The following CCDC171 variants were observed in gnomAD, a reference collection of about 807,000 sequenced individuals.
CCDC171 encodes coiled-coil domain containing 171.
Under a neutral mutation model 168.2 loss-of-function variants are expected in CCDC171, and 177 were observed. The observed-to-expected ratio is 1.05, with a 90% CI of 0.93 to 1.19. The LOEUF is 1.19. Ranked by LOEUF, CCDC171 falls within the 50% of genes most tolerant of loss-of-function variation. The pLI is 0.00. For synonymous variants in CCDC171, 687 were observed against 540.8 expected, an observed-to-expected ratio of 1.27 and a Z score of -3.75; for missense variants, 1,991 against 1,539.0, an observed-to-expected ratio of 1.29 and a Z score of -4.91.
chr9:15,620,422 T>C (rs1031521073), intron 6 of CCDC171, among the ~76,000 whole-genome samples: 2 of 152,162 alleles, frequency 1.3e-5, no homozygotes, highest in African/African-American at 4.8e-5. Context: ...AGGTTTAGAC[T>C]TCAGTGGAAT....
chr9:15,611,281 T>TA (rs1032294767), intron 6 of CCDC171, among the ~76,000 whole-genome samples: 23 of 152,212 alleles, frequency 1.5e-4, no homozygotes, highest in African/African-American at 4.6e-4. Flanking sequence ...CTCTTTTCTT[T>TA]ATAAATTACC....
At chr9:16,021,345 C>G (rs574844248) in intron 4 of CCDC171, among the ~76,000 whole-genome samples, 3 of 152,228 alleles carry the variant, frequency 2.0e-5, no homozygotes, top group African/African-American at 7.2e-5. Flanking sequence ...CTTGGCCTCC[C>G]AAAGTGCTGG....
chr9:15,789,290 A>T (rs752294992), intron 21 of CCDC171, among the ~76,000 whole-genome samples: 3 of 152,174 alleles, frequency 2.0e-5, no homozygotes, highest in Non-Finnish European at 4.4e-5. Context: ...AAAATGCAAA[A>T]ATATTCAAAA....
intron 23 of CCDC171, among the ~76,000 whole-genome samples, chr9:15,872,769 T>A (rs1189463270): frequency 3.9e-5 from 6 of 152,026 alleles, no homozygotes; most frequent in African/African-American, 1.4e-4. Context: ...GGCAAAACAC[T>A]AGTGGTTTGA....
chr9:16,013,761 C>T (rs1302219066), intron 3 of CCDC171, among the ~76,000 whole-genome samples: 1 of 152,238 alleles, frequency 6.6e-6, no homozygotes, highest in Non-Finnish European at 1.5e-5. Flanking sequence ...GCTATGTTTA[C>T]ACTATACTGT....
chr9:15,933,823 A>G (rs1464682163), intron 25 of CCDC171, among the ~76,000 whole-genome samples: 5 of 152,030 alleles, frequency 3.3e-5, no homozygotes, highest in Non-Finnish European at 1.5e-5. Context: ...AATGCTTAGT[A>G]AAATGCATAC....
chr9:15,930,635 C>T (rs1412010286), intron 25 of CCDC171, among the ~76,000 whole-genome samples: 1 of 151,474 alleles, frequency 6.6e-6, no homozygotes, highest in Non-Finnish European at 1.5e-5. Flanking sequence ...CTACTTAGGC[C>T]TAGCAAAAAG....
chr9:15,958,641 G>A (rs889972955), intron 25 of CCDC171, among the ~76,000 whole-genome samples: 9 of 151,754 alleles, frequency 5.9e-5, no homozygotes, highest in East Asian at 5.8e-4. Context: ...AGGAGTTAAC[G>A]TGATGAAGAA....
chr9:15,614,283 A>G (rs1018401420), intron 6 of CCDC171, among the ~76,000 whole-genome samples: 1 of 151,808 alleles, frequency 6.6e-6, no homozygotes, highest in Non-Finnish European at 1.5e-5. Flanking sequence ...GGGAGCTCCA[A>G]CTCTGTTCTT....
At chr9:15,923,555 T>C (rs1314588552) in intron 25 of CCDC171, among the ~76,000 whole-genome samples, 1 of 151,162 alleles carries the variant, frequency 6.6e-6, no homozygotes, top group African/African-American at 2.4e-5. Flanking sequence ...TACAGTTAGG[T>C]AGGAGAAATA....
the CCDC171 span, among the ~76,000 whole-genome samples, chr9:16,070,300 C>A: frequency 6.6e-6 from 1 of 152,096 alleles, no homozygotes; most frequent in African/African-American, 2.4e-5. Flanking sequence ...GGTCCTGCCT[C>A]GGCAAACAAT....
At position 15,695,107 on chromosome 9, in the gene CCDC171, T is replaced by C. The variant is rs553867392; in HGVS notation, c.1216-128T>C. 7 of 638,462 alleles carry C rather than the reference T, an allele frequency of 1.1e-5. No individual in the cohort carries two copies. In the South Asian group the frequency reaches 1.2e-4, roughly 11 times the overall value. 39.5% of individuals were successfully genotyped at this position (638,462 alleles called of 1,614,324 possible). ...AAAAGGTATGATTAAGAGAGAAAGA[T>C]GGTTTATTAATAATATATTTGAATG... On this transcript the variant is annotated intron_variant, in intron 10 of 25. Transcript: ENST00000380701.
At position 15,553,129 on chromosome 9, in the gene CCDC171, C is replaced by T. The variant is rs1036460972; in HGVS notation, c.-285C>T. 2 of 152,466 alleles carry T rather than the reference C, an allele frequency of 1.3e-5. No individual in the cohort carries two copies. Among genetic ancestry groups the T allele is most frequent in the African/African-American group, 2.4e-5 (1 of 41,462 alleles). 9.4% of individuals were successfully genotyped at this position (152,466 alleles called of 1,614,324 possible). ...AAACTTCACCTCCCGGGGGCTCTTC[C>T]CCTTCTGTACCCCTTTGCTGTTTGT... On this transcript the variant is annotated 5_prime_UTR_variant, in exon 1 of 26. Transcript: ENST00000380701.
chr9:15,584,504 A>G (rs2041397590), intron 4 of CCDC171, among the ~76,000 whole-genome samples: 3 of 152,190 alleles, frequency 2.0e-5, no homozygotes, highest in Admixed American at 2.0e-4. Flanking sequence ...GTTCCAATGT[A>G]ATAAACTGAG....
At chr9:15,742,045 C>G (rs1435775093) in intron 16 of CCDC171, among the ~76,000 whole-genome samples, 1 of 151,498 alleles carries the variant, frequency 6.6e-6, no homozygotes, top group Non-Finnish European at 1.5e-5. Context: ...TGCTAGTTTG[C>G]CTCTTGTATT....
the CCDC171 span, among the ~76,000 whole-genome samples, chr9:16,077,441 C>T: frequency 1.3e-5 from 2 of 152,310 alleles, no homozygotes; most frequent in East Asian, 1.9e-4. Flanking sequence ...TACTTCCCTA[C>T]TCCTTGACTT....
chr9:15,815,063 G>A (rs1298727048), intron 21 of CCDC171, among the ~76,000 whole-genome samples: 1 of 152,194 alleles, frequency 6.6e-6, no homozygotes, highest in Non-Finnish European at 1.5e-5. Flanking sequence ...TTCACAGTAA[G>A]AGTCCCAGAT....
intron 25 of CCDC171, among the ~76,000 whole-genome samples, chr9:15,961,681 A>C (rs1830344777): frequency 6.6e-6 from 1 of 152,166 alleles, no homozygotes; most frequent in African/African-American, 2.4e-5. Context: ...CATTTTGACC[A>C]CACATTTTAG....
chr9:15,830,657 T>C (rs1268010252), intron 21 of CCDC171, among the ~76,000 whole-genome samples: 1 of 152,228 alleles, frequency 6.6e-6, no homozygotes, highest in Non-Finnish European at 1.5e-5. Context: ...AAAACTCTTT[T>C]TCTTTGAAAT....
Sources: allele counts gnomAD v4.1 joint callset (sites outside exome capture counted in the v4.1 genomes callset), GRCh38; gene constraint gnomAD v4.1.1; transcripts MANE v1.5; gene names NCBI Gene and HGNC (gene_info 2026-07-23, HGNC 2026-07-21).